Variants in DOT1L observed in about 807,000 individuals in gnomAD.
DOT1L encodes histone-lysine N-methyltransferase, H3 lysine-79 specific.
In DOT1L, 33 loss-of-function variants were observed where a neutral mutation model predicts 153.3. The observed-to-expected ratio is 0.22, with a 90% CI of 0.16 to 0.29. The LOEUF is 0.29. DOT1L is among the 10% of genes least tolerant of loss of function. The pLI is 1.00. For missense variants in DOT1L, 1,847 were observed against 2,119.9 expected (o/e 0.87, Z 2.53); for synonymous variants, 1,135 against 965.1 (o/e 1.18, Z -3.26).
intron 2 of DOT1L, among the ~76,000 whole-genome samples, chr19:2,185,614 C>CA (rs1160915013): frequency 6.6e-6 from 1 of 152,012 alleles, no homozygotes; most frequent in Non-Finnish European, 1.5e-5. Context: ...ACTAAAAATA[C>CA]AAAAATTAGC....
At chr19:2,168,035 G>A (rs2019993534) in intron 1 of DOT1L, among the ~76,000 whole-genome samples, 2 of 152,078 alleles carry the variant, frequency 1.3e-5, no homozygotes, top group Non-Finnish European at 2.9e-5. Flanking sequence ...GTGCCCAGAC[G>A]CAGCTGCAGC....
chr19:2,221,878 C>T, intron 23 of DOT1L, 98 bp from the exon 24 acceptor site: 1 of 1,257,842 alleles, frequency 8.0e-7, no homozygotes, highest in Non-Finnish European at 1.1e-6. Flanking sequence ...CCCGCCTCTC[C>T]TGGAGCCCAC....
At position 2,216,264 on chromosome 19, in the gene DOT1L, C is replaced by A; in HGVS notation, c.1924-17C>A. ...TCCCCCGGTGGGGCGGGCCTGACAC[C>A]ATCTCTCCTCCTGCAGATCAGCATT... On this transcript the variant is annotated splice_polypyrimidine_tract_variant and intron_variant, in intron 19 of 27. Transcript: ENST00000398665. 6.4e-7 allele frequency: 1 copy of A among 1,551,496 alleles called. No individual in the cohort carries two copies. The highest frequency in any genetic ancestry group is 1.2e-5 in the South Asian group (1 of 82,340).
chr19:2,170,597 C>G (rs2021563028), intron 1 of DOT1L, among the ~76,000 whole-genome samples: 1 of 152,124 alleles, frequency 6.6e-6, no homozygotes, highest in Non-Finnish European at 1.5e-5. Flanking sequence ...GGGGTAAGGG[C>G]TCAGTCCCCA....
intron 2 of DOT1L, among the ~76,000 whole-genome samples, chr19:2,181,830 CCT>C (rs1156643120): frequency 3.3e-5 from 5 of 152,008 alleles, no homozygotes; most frequent in African/African-American, 1.2e-4. Flanking sequence ...CGGCCAGCCG[CCT>C]CTCTCTGCCT....
chr19:2,217,034 C>G lies in DOT1L; in HGVS notation c.2488C>G (p.Pro830Ala), dbSNP rs1245043089. ...CAGCATGAAGCTGAGCCCTCAGGAC[C>G]CGCGGCCCCTGTCCCCTGGGGCCTT... ...PGSMKLSPQD[P>A]RPLSPGALQL... Residue 830 changes from proline to alanine, a missense_variant, in exon 21 of 28, where the codon CCG becomes GCG. Coordinates refer to ENST00000398665, the MANE Select transcript of DOT1L (RefSeq NM_032482.3). This position sits in a 1 kb window ranked among gnomAD's most constrained non-coding sequence, Gnocchi z 7.3. The G allele has an allele frequency of 1.2e-6, 2 of 1,612,596 alleles. No individual in the cohort carries two copies. The highest frequency in any genetic ancestry group is 2.7e-5 in the African/African-American group (2 of 74,924).
intron 1 of DOT1L, 93 bp from the exon 2 acceptor site, chr19:2,180,620 G>C: frequency 6.8e-7 from 1 of 1,473,648 alleles, no homozygotes; most frequent in Admixed American, 1.9e-5. Flanking sequence ...ATGAAGAGAT[G>C]GGAAGTTGAC....
intron 25 of DOT1L, 36 bp from the exon 26 acceptor site, chr19:2,225,352 G>A (rs753344363): frequency 6.3e-7 from 1 of 1,587,810 alleles, no homozygotes; most frequent in Non-Finnish European, 8.6e-7. Context: ...GTATGCAGCT[G>A]GGTTTCAAGC....
In DOT1L at chr19:2,228,018, C is replaced by T. The variant is rs777246557; in HGVS notation, c.4606+891C>T. ...CCCTCCACCTAACGCCGCCTTGCCT[C>T]CTCCCCCAACGCTGCTGGCCTCTAA... On this transcript the variant is annotated intron_variant, in intron 27 of 27. Transcript: ENST00000398665. 100 of 1,298,060 alleles carry T rather than the reference C, an allele frequency of 7.7e-5. 1 individual carries two copies. Among genetic ancestry groups the T allele is most frequent in the South Asian group, 6.5e-4 (53 of 81,098 alleles). The allele number at this position is 1,298,060 out of a possible 1,614,324, so 80.4% of individuals were successfully genotyped here. A position where few individuals can be genotyped will look rare whatever the true frequency, so the allele number is the denominator to read the frequency against.
chr19:2,203,008 G>A (rs553133041), intron 9 of DOT1L, among the ~76,000 whole-genome samples: 5 of 152,316 alleles, frequency 3.3e-5, no homozygotes, highest in Admixed American at 6.5e-5. Context: ...TGCAACCTCC[G>A]CCTCCCGGGT....
At chr19:2,173,464 AG>A (rs1355519502) in intron 1 of DOT1L, among the ~76,000 whole-genome samples, 1 of 152,210 alleles carries the variant, frequency 6.6e-6, no homozygotes. Context: ...TTCCTTACAC[AG>A]CGGGCCTCCC....
chr19:2,169,654 C>T (rs1008532113), intron 1 of DOT1L, among the ~76,000 whole-genome samples: 2 of 152,144 alleles, frequency 1.3e-5, no homozygotes, highest in African/African-American at 4.8e-5. Flanking sequence ...CCACCACGCC[C>T]AGCTCTTTTT....
intron 19 of DOT1L, chr19:2,215,920 C>G (rs748486564): frequency 9.5e-6 from 2 of 210,490 alleles, no homozygotes; most frequent in African/African-American, 2.3e-5. Flanking sequence ...TCAGACTCAG[C>G]GCCCGGGGAA....
chr19:2,166,238 A>T (rs985622139), intron 1 of DOT1L, among the ~76,000 whole-genome samples: 64 of 137,576 alleles, frequency 4.7e-4, no homozygotes, highest in African/African-American at 1.6e-3. Context: ...GTGGGATTAC[A>T]GGCATGCGCC....
chr19:2,192,699 A>C (rs914950688), intron 5 of DOT1L, among the ~76,000 whole-genome samples: 11 of 148,836 alleles, frequency 7.4e-5, no homozygotes, highest in Non-Finnish European at 1.6e-4. Context: ...AAAATGGGGC[A>C]TATCTGGCTG....
chr19:2,182,260 C>T (rs1023758513), intron 2 of DOT1L, among the ~76,000 whole-genome samples: 2 of 151,876 alleles, frequency 1.3e-5, no homozygotes, highest in Admixed American at 1.3e-4. Flanking sequence ...AAATAATGCT[C>T]AGCTGGGCAT....
chr19:2,181,047 C>T (rs1046231408), intron 2 of DOT1L, among the ~76,000 whole-genome samples: 5 of 152,294 alleles, frequency 3.3e-5, no homozygotes, highest in Non-Finnish European at 4.4e-5. Flanking sequence ...GGTTTTGGGC[C>T]GACCTTCACC....
chr19:2,207,806 G>A lies in DOT1L; in HGVS notation c.963+126G>A. The A allele has an allele frequency of 1.2e-6, 1 of 864,860 alleles. No individual in the cohort carries two copies. Among genetic ancestry groups the A allele is most frequent in the Non-Finnish European group, 1.7e-6 (1 of 573,528 alleles). 53.6% of individuals were successfully genotyped at this position (864,860 alleles called of 1,614,324 possible). A position where few individuals can be genotyped will look rare whatever the true frequency, so the allele number is the denominator to read the frequency against. On this transcript the variant is annotated intron_variant, in intron 11 of 27. Coordinates refer to ENST00000398665, the MANE Select transcript of DOT1L (RefSeq NM_032482.3). The surrounding 1 kb of genome is among the most constrained non-coding windows in gnomAD (Gnocchi z 4.5). The stretch of plus-strand genomic sequence containing the variant: ...CCCTCAGAGCCCTCAACGCCCCCCG[G>A]CCCCTGAGCTCAGGCCCAGCTCCTC...
chr19:2,232,184 G>A lies in DOT1L; in HGVS notation c.*2392G>A, dbSNP rs2024629184. 1 of 224,322 alleles carries A rather than the reference G, an allele frequency of 4.5e-6. No individual in the cohort carries two copies. Among genetic ancestry groups the A allele is most frequent in the Non-Finnish European group, 8.9e-6 (1 of 112,664 alleles). 13.9% of individuals were successfully genotyped at this position (224,322 alleles called of 1,614,324 possible). ...ACTGTGGGTGGGCGGGCGGCGCCTG[G>A]GAGTGGCTCTTGCTCAGGAATTGAT... On this transcript the variant is annotated 3_prime_UTR_variant, in exon 28 of 28. Transcript: ENST00000398665.
Sources: allele counts gnomAD v4.1 joint callset (sites outside exome capture counted in the v4.1 genomes callset), GRCh38; gene constraint gnomAD v4.1.1; non-coding constraint Gnocchi (gnomAD v3.1); transcripts MANE v1.5; gene names NCBI Gene and HGNC (gene_info 2026-07-23, HGNC 2026-07-21).